EXOC2: variants seen among roughly 807,000 people sequenced by gnomAD.
The protein encoded by EXOC2 is SEC5-like 1.
In EXOC2, 70 loss-of-function variants were observed where a neutral mutation model predicts 131.8. The observed-to-expected ratio is 0.53, with a 90% CI of 0.44 to 0.65. The LOEUF is 0.65. EXOC2 is among the 30% of genes least tolerant of loss of function. The pLI is 0.00. For missense variants in EXOC2, 923 were observed against 1,108.6 expected, an observed-to-expected ratio of 0.83 and a Z score of 2.38; for synonymous variants, 411 against 398.4, an observed-to-expected ratio of 1.03 and a Z score of -0.38.
chr6:582,982 G>T (rs1293964056), intron 11 of EXOC2, among the ~76,000 whole-genome samples: 1 of 152,006 alleles, frequency 6.6e-6, no homozygotes, highest in East Asian at 1.9e-4. Context: ...AAAACTACAG[G>T]TATAAACTTT....
At chr6:513,107 C>T (rs1764944527) in intron 23 of EXOC2, among the ~76,000 whole-genome samples, 1 of 152,242 alleles carries the variant, frequency 6.6e-6, no homozygotes, top group Non-Finnish European at 1.5e-5. Context: ...ATGAATGCAG[C>T]TGGTGGTGTC....
intron 23 of EXOC2, among the ~76,000 whole-genome samples, chr6:514,613 C>T (rs1440992850): frequency 6.6e-6 from 1 of 152,220 alleles, no homozygotes; most frequent in Non-Finnish European, 1.5e-5. Flanking sequence ...GTGAGGCTTT[C>T]TTAGGAGCTG....
At chr6:494,798 G>C (rs187668655) in intron 25 of EXOC2, among the ~76,000 whole-genome samples, 3 of 152,282 alleles carry the variant, frequency 2.0e-5, no homozygotes, top group Admixed American at 2.0e-4. Context: ...AATAGTATTT[G>C]ACTGTATGAA....
At chr6:670,391 T>C (rs1233702780) in intron 1 of EXOC2, 1 of 152,086 alleles carries the variant, frequency 6.6e-6, no homozygotes, top group East Asian at 1.9e-4. Flanking sequence ...CAATAATGAC[T>C]CCTACTGAGG....
chr6:626,782 G>A (rs1213146226), intron 4 of EXOC2, among the ~76,000 whole-genome samples: 6 of 151,682 alleles, frequency 4.0e-5, no homozygotes, highest in South Asian at 2.1e-4. Flanking sequence ...TAGTAGAGAC[G>A]GGGTTTCACC....
At position 564,085 on chromosome 6, in the gene EXOC2, G is replaced by T. The variant is rs143516441; in HGVS notation, c.1737C>A (p.Ile579=). ...TTACGCAACGTACTCGGAGATCCAA[G>T]ATGAGATCCTGGATAGTCTGTAACA... is the stretch of plus-strand genomic sequence containing the variant. ...NDLLQTIQDL[I]LDLRVRCVMA... The change falls in exon 16 of 28, where the codon ATC becomes ATA. Residue 579 remains isoleucine, a synonymous_variant. Coordinates refer to ENST00000230449, the MANE Select transcript of EXOC2 (RefSeq NM_018303.6). 238 of 1,614,146 alleles carry T rather than the reference G, an allele frequency of 1.5e-4. 2 individuals are homozygous for T. The African/African-American group carries it at 1.8e-3, about 12-fold the overall frequency.
chr6:634,837 TTTG>T (rs1249259479), intron 2 of EXOC2, among the ~76,000 whole-genome samples: 2 of 152,210 alleles, frequency 1.3e-5, no homozygotes, highest in African/African-American at 2.4e-5. Context: ...TCTAATAATT[TTTG>T]TTATGAAAAA....
chr6:624,425 G>C (rs1761450818), intron 4 of EXOC2, among the ~76,000 whole-genome samples: 1 of 152,128 alleles, frequency 6.6e-6, no homozygotes, highest in African/African-American at 2.4e-5. Flanking sequence ...TGGAAGCCTA[G>C]CAGTTTCTGA....
chr6:486,603 A>C lies in EXOC2; in HGVS notation c.*68T>G. 1 of 1,359,278 alleles carries C rather than the reference A, an allele frequency of 7.4e-7. No individual in the cohort carries two copies. Among genetic ancestry groups the C allele is most frequent in the East Asian group, 2.3e-5 (1 of 43,328 alleles). 84.2% of individuals were successfully genotyped at this position (1,359,278 alleles called of 1,614,324 possible). A position where few individuals can be genotyped will look rare whatever the true frequency, so the allele number is the denominator to read the frequency against. ...AATGTTTAATACACCAAATACCTTT[A>C]GGGTACTTAGAGAGTGAACAGTCTT... On this transcript the variant is annotated 3_prime_UTR_variant, in exon 28 of 28. Coordinates refer to ENST00000230449, the MANE Select transcript of EXOC2 (RefSeq NM_018303.6).
At chr6:502,515 G>GC (rs1764282975) in intron 23 of EXOC2, among the ~76,000 whole-genome samples, 1 of 152,068 alleles carries the variant, frequency 6.6e-6, no homozygotes, top group Non-Finnish European at 1.5e-5. Flanking sequence ...ACACTTCCTG[G>GC]CAAGAACCCA....
intron 11 of EXOC2, among the ~76,000 whole-genome samples, chr6:587,629 A>T (rs909560050): frequency 2.0e-5 from 3 of 152,212 alleles, no homozygotes; most frequent in African/African-American, 7.2e-5. Flanking sequence ...CCGACATGCA[A>T]ACTGGCCAAA....
At chr6:502,625 G>GC (rs1764289147) in intron 23 of EXOC2, among the ~76,000 whole-genome samples, 1 of 151,952 alleles carries the variant, frequency 6.6e-6, no homozygotes, top group Non-Finnish European at 1.5e-5. Context: ...AAGAATAAAG[G>GC]CACAGGACCC....
At chr6:511,398 CA>C (rs545630390) in intron 23 of EXOC2, among the ~76,000 whole-genome samples, 55 of 146,760 alleles carry the variant, frequency 3.7e-4, no homozygotes, top group African/African-American at 8.7e-4. Context: ...AAATGGAAGG[CA>C]AAAAAAAAAT....
chr6:489,967 G>A (rs959020486), intron 26 of EXOC2, among the ~76,000 whole-genome samples: 2 of 152,178 alleles, frequency 1.3e-5, no homozygotes, highest in African/African-American at 2.4e-5. Flanking sequence ...GGTGTGGGAC[G>A]GGTGGCTTGG....
chr6:539,676 A>T (rs1262015654), intron 22 of EXOC2, among the ~76,000 whole-genome samples: 1 of 152,244 alleles, frequency 6.6e-6, no homozygotes, highest in Non-Finnish European at 1.5e-5. Flanking sequence ...TGATTTTAAA[A>T]ACTTTTTGAT....
At position 617,727 on chromosome 6, in the gene EXOC2, T is replaced by C; in HGVS notation, c.645A>G (p.Ala215=). The C allele has an allele frequency of 6.2e-7, 1 of 1,612,854 alleles. No homozygotes were observed. The highest frequency in any genetic ancestry group is 8.5e-7 in the Non-Finnish European group (1 of 1,179,362). Reference sequence around the variant, plus strand: ...TCGCCTTACCTGAGAGGGCATCCTGTGCTTCGAAGAATGTACTGAGACCGC... The same window carrying C: ...TCGCCTTACCTGAGAGGGCATCCTGCGCTTCGAAGAATGTACTGAGACCGC... ...VKGGLSTFFE[A]QDALSAIHQK... is the part of the protein sequence containing the mutation. The change falls in exon 6 of 28, where the codon GCA becomes GCG. Residue 215 remains alanine, a synonymous_variant. Transcript: ENST00000230449.
intron 1 of EXOC2, among the ~76,000 whole-genome samples, chr6:655,203 A>C (rs1763016525): frequency 6.6e-6 from 1 of 152,188 alleles, no homozygotes; most frequent in Non-Finnish European, 1.5e-5. Flanking sequence ...AACAACCACC[A>C]CTGGAATCAG....
chr6:554,939 A>G (rs1420982371), intron 20 of EXOC2, among the ~76,000 whole-genome samples: 1 of 152,252 alleles, frequency 6.6e-6, no homozygotes, highest in Non-Finnish European at 1.5e-5. Context: ...ACTAGGAGTT[A>G]CATATTTACA....
At chr6:549,070 C>G (rs1757009267) in intron 22 of EXOC2, 105 bp downstream of exon 22, 1 of 858,992 alleles carries the variant, frequency 1.2e-6, no homozygotes, top group African/African-American at 1.7e-5. Context: ...GTGGGGGCGG[C>G]ACGCAGAGGG....
Sources: allele counts gnomAD v4.1 joint callset (sites outside exome capture counted in the v4.1 genomes callset), GRCh38; gene constraint gnomAD v4.1.1; transcripts MANE v1.5; gene names NCBI Gene and HGNC (gene_info 2026-07-23, HGNC 2026-07-21).